The following PYGL variants were observed in gnomAD, a reference collection of about 807,000 sequenced individuals.
PYGL encodes the protein glycogen phosphorylase, liver form.
Under a neutral mutation model 100.1 loss-of-function variants are expected in PYGL, and 90 were observed. The ratio of observed to expected loss-of-function variants is 0.90; its 90% CI spans 0.76 to 1.07. The LOEUF is 1.07. Among genes scored for constraint, PYGL ranks in the 50% least tolerant of loss-of-function variants. PYGL has a pLI of 0.00. For synonymous variants in PYGL, 373 were observed against 393.0 expected, an observed-to-expected ratio of 0.95 and a Z score of 0.60; for missense variants, 1,016 against 1,057.6, an observed-to-expected ratio of 0.96 and a Z score of 0.55.
chr14:50,938,746 A>G (rs149488386), intron 1 of PYGL, among the ~76,000 whole-genome samples: 37 of 152,282 alleles, frequency 2.4e-4, no homozygotes, highest in East Asian at 2.3e-3. Flanking sequence ...AAAAAAGCAA[A>G]CTCATCTAAG....
intron 4 of PYGL, among the ~76,000 whole-genome samples, chr14:50,929,678 C>T (rs1366226571): frequency 3.3e-5 from 5 of 152,104 alleles, no homozygotes; most frequent in Non-Finnish European, 7.4e-5. Context: ...GTATCCTTTT[C>T]CAAGGCTAAA....
At chr14:50,925,101 C>T (rs1022851061) in intron 4 of PYGL, among the ~76,000 whole-genome samples, 2 of 152,228 alleles carry the variant, frequency 1.3e-5, no homozygotes, top group Non-Finnish European at 2.9e-5. Context: ...GTGCTGCCTA[C>T]TACACACCTG....
chr14:50,925,005 G>A lies in PYGL; in HGVS notation c.529-905C>T, dbSNP rs149867338. Among the ~76,000 whole-genome samples the A allele has an allele frequency of 3.1e-3, 473 of 152,252 alleles. 5 individuals are homozygous for A. The highest frequency in any genetic ancestry group is 0.014 in the Middle Eastern group (4 of 294). On this transcript the variant is annotated intron_variant, in intron 4 of 19. Coordinates refer to ENST00000216392, the MANE Select transcript of PYGL (RefSeq NM_002863.5). ...CACATACAGTTGTGGATTGCTTAAC[G>A]ACAGGGATACATTCTGAAAAATGTG...
Position 50,905,492 on chromosome 14 carries a change from T to C in PYGL, c.2444A>G (p.Asp815Gly), listed in dbSNP as rs1217915567. Residue 815 changes from aspartate to glycine, a missense_variant, in exon 20 of 20, where the codon GAC (aspartate) becomes GGC (glycine). Asp to Gly is a moderately conservative substitution (Grantham distance 94). Transcript: ENST00000216392. ...NIAASGKFSS[D>G]RTIKEYAQNI... ...TTGGGCATATTCTTTAATTGTTCGG[T>C]CACTGGAGAATTTCCCCGAGGCAGC... 4.3e-6 allele frequency: 7 copies of C among 1,614,020 alleles called. No homozygotes were observed. Among genetic ancestry groups the C allele is most frequent in the East Asian group, 2.2e-5 (1 of 44,870 alleles).
chr14:50,915,225 T>A (rs1311518185), intron 11 of PYGL, 111 bp downstream of exon 11: 2 of 1,328,270 alleles, frequency 1.5e-6, no homozygotes, highest in Non-Finnish European at 2.1e-6. Context: ...AAAATACTTT[T>A]AAACATTTGA....
intron 7 of PYGL, among the ~76,000 whole-genome samples, chr14:50,917,962 T>G (rs368478904): frequency 6.6e-6 from 1 of 151,592 alleles, no homozygotes; most frequent in Non-Finnish European, 1.5e-5. Context: ...ATATCCAGAA[T>G]CTACAAGGAA....
At chr14:50,935,311 T>A (rs2050645084) in intron 2 of PYGL, 126 bp from the exon 3 acceptor site, 1 of 780,718 alleles carries the variant, frequency 1.3e-6, no homozygotes, top group East Asian at 2.7e-5. Flanking sequence ...TAGCGTCAGC[T>A]CCCTTGCAGC....
intron 2 of PYGL, among the ~76,000 whole-genome samples, chr14:50,937,093 G>A (rs941138469): frequency 2.6e-5 from 4 of 152,206 alleles, no homozygotes; most frequent in Non-Finnish European, 4.4e-5. Context: ...CATTTAGAAT[G>A]TGTCTTTGCA....
intron 8 of PYGL, 46 bp from the exon 9 acceptor site, chr14:50,916,780 G>A (rs906298735): frequency 2.3e-5 from 37 of 1,582,608 alleles, no homozygotes; most frequent in Non-Finnish European, 3.0e-5. Context: ...ATGGCTCAGG[G>A]TCTGGCTTCT....
intron 19 of PYGL, among the ~76,000 whole-genome samples, chr14:50,905,872 T>C (rs2027342): frequency 0.25 from 38,299 of 152,198 alleles, 5,298 homozygotes; most frequent in East Asian, 0.52. Context: ...TCCCATGCTT[T>C]CTTATGAATG....
chr14:50,906,391 A>G (rs1023680114), intron 19 of PYGL, among the ~76,000 whole-genome samples: 3 of 152,234 alleles, frequency 2.0e-5, no homozygotes, highest in Admixed American at 6.5e-5. Context: ...GCTTCCTGTA[A>G]TAAGAGGAGG....
chr14:50,906,748 G>A (rs1057076495), intron 19 of PYGL, among the ~76,000 whole-genome samples: 1 of 152,174 alleles, frequency 6.6e-6, no homozygotes, highest in Non-Finnish European at 1.5e-5. Flanking sequence ...TCTCTCCAAT[G>A]TACAGGAAGC....
chr14:50,941,894 C>T (rs768163123), intron 1 of PYGL, among the ~76,000 whole-genome samples: 7 of 152,020 alleles, frequency 4.6e-5, no homozygotes, highest in East Asian at 1.9e-4. Context: ...AAACAAAACA[C>T]GGGAAGATGG....
rs752352969 is a variant in PYGL at position 50,912,205 on chromosome 14, C to T, written c.1719G>A (p.Glu573=). 3 of 1,614,176 alleles carry T rather than the reference C, an allele frequency of 1.9e-6. No individual in the cohort carries two copies. The highest frequency in any genetic ancestry group is 1.7e-6 in the Non-Finnish European group (2 of 1,180,036). Residue 573 remains glutamate (E), a synonymous_variant, in exon 14 of 20, where the codon GAG becomes GAA. Coordinates refer to ENST00000216392, the MANE Select transcript of PYGL (RefSeq NM_002863.5). ...MFDVQVKRIH[E]YKRQLLNCLH... ...GACAGTTCAAGAGCTGTCGCTTGTA[C>T]TCATGTATCCTCTTCACCTGGACAT... is the stretch of plus-strand genomic sequence containing the variant.
chr14:50,914,638 G>T, intron 12 of PYGL, 63 bp downstream of exon 12: 1 of 1,359,446 alleles, frequency 7.4e-7, no homozygotes. Flanking sequence ...TAAGTTACAA[G>T]TATAGTCATA....
At chr14:50,936,801 A>G (rs2050657299) in intron 2 of PYGL, among the ~76,000 whole-genome samples, 1 of 152,190 alleles carries the variant, frequency 6.6e-6, no homozygotes, top group East Asian at 1.9e-4. Flanking sequence ...AAAAAAAAAA[A>G]AAAGTATGAT....
intron 5 of PYGL, among the ~76,000 whole-genome samples, chr14:50,923,005 C>T (rs898057249): frequency 6.6e-5 from 10 of 152,230 alleles, no homozygotes; most frequent in African/African-American, 2.4e-4. Flanking sequence ...GACTCATGCT[C>T]TGACATCACT....
At chr14:50,921,211 G>T (rs772344982) in intron 5 of PYGL, 144 bp from the exon 6 acceptor site, 3 of 669,852 alleles carry the variant, frequency 4.5e-6, no homozygotes, top group Admixed American at 4.5e-5. Flanking sequence ...GGAGAAGAGG[G>T]TCTCAGGGCT....
chr14:50,943,492 T>C (rs1032642470), intron 1 of PYGL, among the ~76,000 whole-genome samples: 4 of 152,150 alleles, frequency 2.6e-5, no homozygotes, highest in African/African-American at 9.7e-5. Context: ...GGAGTGTGTG[T>C]CTTCGGGGAG....
Sources: allele counts gnomAD v4.1 joint callset (sites outside exome capture counted in the v4.1 genomes callset), GRCh38; gene constraint gnomAD v4.1.1; transcripts MANE v1.5; gene names NCBI Gene and HGNC (gene_info 2026-07-23, HGNC 2026-07-21).